Variants in TANC1 observed in about 807,000 individuals in gnomAD.
TANC1 encodes tetratricopeptide repeat, ankyrin repeat and coiled-coil containing 1.
A neutral mutation model predicts 149.7 loss-of-function variants in TANC1; 77 were observed. That is an observed-to-expected ratio of 0.51 (90% CI 0.43 to 0.62). The LOEUF is 0.62. TANC1 is among the 20% of genes least tolerant of loss of function. The pLI is 0.00. For synonymous variants in TANC1, 854 were observed against 925.0 expected (o/e 0.92, Z 1.39); for missense variants, 1,985 against 2,321.8 (o/e 0.85, Z 2.98).
intron 19 of TANC1, among the ~76,000 whole-genome samples, chr2:159,199,896 C>T (rs2058121498): frequency 6.6e-6 from 1 of 152,158 alleles, no homozygotes; most frequent in Admixed American, 6.5e-5. Context: ...AGGGGAAAGC[C>T]ACAGAGCTTC....
chr2:159,203,484 T>C (rs6432517), intron 19 of TANC1, among the ~76,000 whole-genome samples: 141,894 of 152,254 alleles, frequency 0.93, 66,255 homozygotes, highest in East Asian at 1. Context: ...GGATTACAGG[T>C]GTGAGCCACC....
chr2:159,108,227 G>A (rs1346838758), intron 4 of TANC1, among the ~76,000 whole-genome samples: 2 of 152,192 alleles, frequency 1.3e-5, no homozygotes, highest in South Asian at 2.1e-4. Flanking sequence ...GGGCTTTTCT[G>A]TCCAGGCGCT....
chr2:159,105,070 C>CT (rs1243221650), intron 4 of TANC1, among the ~76,000 whole-genome samples: 14 of 120,868 alleles, frequency 1.2e-4, no homozygotes, highest in African/African-American at 4.4e-4. Flanking sequence ...TCTGGGCTCA[C>CT]TGCAAGCTCC....
chr2:159,004,056 A>G (rs779401524), intron 2 of TANC1: 31 of 1,612,202 alleles, frequency 1.9e-5, no homozygotes, highest in Admixed American at 3.3e-5. Flanking sequence ...TCATTTCAAC[A>G]ATCCCAAAGT....
chr2:159,134,528 G>A (rs1462926586), intron 4 of TANC1, among the ~76,000 whole-genome samples: 3 of 152,090 alleles, frequency 2.0e-5, no homozygotes, highest in African/African-American at 7.2e-5. Flanking sequence ...TGTCGCCCAG[G>A]CTAGAGTGCA....
At chr2:159,004,988 A>AGCGATGG (rs1350523123) in intron 2 of TANC1, among the ~76,000 whole-genome samples, 1 of 152,238 alleles carries the variant, frequency 6.6e-6, no homozygotes, top group East Asian at 1.9e-4. Context: ...CGAGAAATAA[A>AGCGATGG]GCGATGGGCC....
At chr2:159,125,104 G>C (rs1258858191) in intron 4 of TANC1, among the ~76,000 whole-genome samples, 1 of 152,124 alleles carries the variant, frequency 6.6e-6, no homozygotes, top group African/African-American at 2.4e-5. Flanking sequence ...GTAAGAGCTA[G>C]AGATTTCCTC....
At chr2:159,011,527 A>ATTTTTTTTTTT (rs10586189) in intron 2 of TANC1, among the ~76,000 whole-genome samples, 1 of 106,726 alleles carries the variant, frequency 9.4e-6, no homozygotes, top group African/African-American at 3.5e-5. Flanking sequence ...TACACCTTAA[A>ATTTTTTTTTTT]TTTTTTTTTT....
intron 20 of TANC1, 121 bp downstream of exon 20, chr2:159,217,751 TCTG>T: frequency 7.6e-7 from 1 of 1,315,114 alleles, no homozygotes; most frequent in Non-Finnish European, 1.1e-6. Context: ...ATCCTCGGCT[TCTG>T]CTGTGCCATC....
At chr2:159,121,018 A>G (rs562903056) in intron 4 of TANC1, among the ~76,000 whole-genome samples, 210 of 152,332 alleles carry the variant, frequency 1.4e-3, no homozygotes, top group African/African-American at 4.9e-3. Flanking sequence ...AGCAAATACC[A>G]TAGGTTCCAG....
rs570816656 is a variant in TANC1, at chr2:159,196,619, G to A, written c.2991G>A (p.Leu997=). The change falls in exon 18 of 27, where the codon TTG becomes TTA. Residue 997 remains leucine (L), a synonymous_variant. Transcript: ENST00000263635. ...LTKKGVRVDH[L]DKKGQCALVH... is the part of the protein sequence containing the mutation. ...ACTCCTGCCCCCAGGTGGACCACTT[G>A]GATAAGAAGGGCCAGTGTGCGCTTG... 2.9e-5 allele frequency: 47 copies of A among 1,599,302 alleles called. No individual in the cohort carries two copies. The highest frequency in any genetic ancestry group is 3.8e-5 in the Non-Finnish European group (44 of 1,170,474).
At chr2:159,174,517 G>GT (rs2055631355) in intron 11 of TANC1, among the ~76,000 whole-genome samples, 1 of 152,090 alleles carries the variant, frequency 6.6e-6, no homozygotes, top group African/African-American at 2.4e-5. Context: ...CAGCCACTGG[G>GT]TTTATCATCT....
chr2:159,185,915 A>G lies in TANC1; in HGVS notation c.2619+16A>G, dbSNP rs1428607196. On this transcript the variant is annotated intron_variant, in intron 15 of 26. Transcript: ENST00000263635. Reference sequence around the variant, plus strand: ...CATTTTCAAGGTGAGATGCACACCAACTTGGGGAAGGGTTTCTTTGTTGTC... The same window carrying G: ...CATTTTCAAGGTGAGATGCACACCAGCTTGGGGAAGGGTTTCTTTGTTGTC... 5.8e-6 allele frequency: 9 copies of G among 1,562,396 alleles called. No individual in the cohort carries two copies. In the South Asian group the frequency reaches 1.0e-4, roughly 17 times the overall value.
chr2:159,179,212 G>T, intron 14 of TANC1, 49 bp downstream of exon 14: 3 of 1,560,204 alleles, frequency 1.9e-6, no homozygotes, highest in Non-Finnish European at 2.6e-6. Context: ...CTCGTGTGCA[G>T]TTGGGGAAAG....
intron 22 of TANC1, 41 bp from the exon 23 acceptor site, chr2:159,224,191 C>G: frequency 1.2e-6 from 2 of 1,612,376 alleles, no homozygotes; most frequent in Non-Finnish European, 1.7e-6. Flanking sequence ...CCCCTGAACT[C>G]CTGTTCCCAG....
chr2:159,069,298 T>C (rs985131917), intron 3 of TANC1, among the ~76,000 whole-genome samples: 1 of 151,904 alleles, frequency 6.6e-6, no homozygotes, highest in East Asian at 1.9e-4. Context: ...TATATTTTTC[T>C]TGACCTTGAG....
At chr2:159,100,645 C>A (rs557652427) in intron 4 of TANC1, among the ~76,000 whole-genome samples, 3 of 152,132 alleles carry the variant, frequency 2.0e-5, no homozygotes, top group Middle Eastern at 3.4e-3. Context: ...TGTTCACTGC[C>A]CAAATTTGTA....
chr2:159,106,004 T>G (rs1361422505), intron 4 of TANC1, among the ~76,000 whole-genome samples: 1 of 152,148 alleles, frequency 6.6e-6, no homozygotes, highest in Non-Finnish European at 1.5e-5. Flanking sequence ...TCGTTTTCCA[T>G]CTAATTAGGT....
At chr2:159,151,813 T>A (rs1034661839) in intron 7 of TANC1, among the ~76,000 whole-genome samples, 3 of 152,248 alleles carry the variant, frequency 2.0e-5, no homozygotes, top group Admixed American at 2.0e-4. Context: ...AATGGATTTT[T>A]GTTTTATTTT....
Sources: gnomAD v4.1 joint callset for allele counts (sites outside exome capture counted in the v4.1 genomes callset) on GRCh38, gnomAD v4.1.1 for gene constraint, MANE v1.5 for transcripts, NCBI Gene and HGNC (gene_info 2026-07-23, HGNC 2026-07-21) for gene names.